TBC1D32: variants seen among roughly 807,000 people sequenced by gnomAD.
TBC1D32 encodes protein broad-minded.
TBC1D32 carries 151 observed loss-of-function variants against 170.3 expected under a neutral mutation model. The observed-to-expected ratio is 0.89, with a 90% CI of 0.78 to 1.01. The LOEUF is 1.01. Ranked by LOEUF, TBC1D32 falls within the 50% of genes least tolerant of loss-of-function variation. The pLI is 0.00. For missense variants in TBC1D32, 1,464 were observed against 1,457.1 expected (o/e 1.00, Z -0.08); for synonymous variants, 498 against 488.0 (o/e 1.02, Z -0.27).
intron 22 of TBC1D32, among the ~76,000 whole-genome samples, chr6:121,185,498 G>C (rs1789079073): frequency 6.6e-6 from 1 of 152,074 alleles, no homozygotes; most frequent in Non-Finnish European, 1.5e-5. Context: ...AAATATCTGT[G>C]AGTTGAACAA....
At chr6:121,113,459 G>A (rs1487515115) in intron 27 of TBC1D32, among the ~76,000 whole-genome samples, 1 of 152,152 alleles carries the variant, frequency 6.6e-6, no homozygotes, top group South Asian at 2.1e-4. Context: ...CTAAAACATG[G>A]AATGTTGACA....
At chr6:121,299,231 A>ATAT (rs1491121645) in intron 10 of TBC1D32, among the ~76,000 whole-genome samples, 1 of 152,092 alleles carries the variant, frequency 6.6e-6, no homozygotes, top group Admixed American at 6.6e-5. Flanking sequence ...TATATAAAAC[A>ATAT]TATTTTCTAA....
chr6:121,097,348 C>T (rs774810373), intron 30 of TBC1D32, among the ~76,000 whole-genome samples: 21 of 151,626 alleles, frequency 1.4e-4, no homozygotes, highest in Non-Finnish European at 2.8e-4. Flanking sequence ...AAAAAATTTA[C>T]AAGAAAAAAC....
intron 22 of TBC1D32, among the ~76,000 whole-genome samples, chr6:121,195,123 A>G (rs1288941270): frequency 1.3e-5 from 2 of 152,136 alleles, no homozygotes; most frequent in African/African-American, 4.8e-5. Context: ...TGGGTGTGTT[A>G]CTCCAGCCCA....
intron 15 of TBC1D32, among the ~76,000 whole-genome samples, chr6:121,276,904 T>C: frequency 6.6e-6 from 1 of 152,114 alleles, no homozygotes; most frequent in East Asian, 1.9e-4. Context: ...ATCAAAATAC[T>C]TAAATGAAAA....
chr6:121,271,154 T>G (rs1209074045), intron 15 of TBC1D32, among the ~76,000 whole-genome samples: 2 of 152,120 alleles, frequency 1.3e-5, no homozygotes, highest in Non-Finnish European at 2.9e-5. Flanking sequence ...ACAGCCAATA[T>G]CATATTGAAT....
chr6:121,235,003 G>A (rs1009271177), intron 20 of TBC1D32, among the ~76,000 whole-genome samples: 4 of 150,704 alleles, frequency 2.7e-5, no homozygotes, highest in Non-Finnish European at 5.9e-5. Flanking sequence ...ATCCAGCAGA[G>A]CTACCGGGCT....
At position 121,126,446 on chromosome 6, in the gene TBC1D32, A is replaced by G. The variant is rs1479179408; in HGVS notation, c.2915T>C (p.Leu972Pro). 1 of 1,611,956 alleles carries G rather than the reference A, an allele frequency of 6.2e-7. No individual in the cohort carries two copies. Among genetic ancestry groups the G allele is most frequent in the Non-Finnish European group, 8.5e-7 (1 of 1,178,742 alleles). The change falls in exon 26 of 32, where the codon CTT (leucine) becomes CCT (proline). Residue 972 changes from leucine to proline, a missense_variant. By Grantham distance (98) the Leu-to-Pro change is moderately conservative. Around this residue, in one of 3 missense-constraint regions of TBC1D32, gnomAD observed 1,363 missense variants for 1,338.1 expected, o/e 1.02. Coordinates refer to ENST00000398212, the MANE Select transcript of TBC1D32 (RefSeq NM_152730.6). ...IISGEALIEL[L>P]EKFVLHLTES... ...AGTGAGATGAAGCACAAATTTTTCAAGTAATTCTATTAAGGCTGTAATAAA... is the reference window on the plus strand; with the variant it reads ...AGTGAGATGAAGCACAAATTTTTCAGGTAATTCTATTAAGGCTGTAATAAA...
At chr6:121,254,346 A>C (rs74403143) in intron 17 of TBC1D32, among the ~76,000 whole-genome samples, 4,990 of 152,256 alleles carry the variant, frequency 0.033, 193 homozygotes, top group East Asian at 0.12. Context: ...TGAAGAATGC[A>C]TCCATGTAAC....
rs1209892391 is a variant in TBC1D32, at chr6:121,321,680, A to G, written c.270T>C (p.Tyr90=). Residue 90 remains tyrosine (Y), a synonymous_variant, in exon 2 of 32, where the codon TAT becomes TAC. Coordinates refer to ENST00000398212, the MANE Select transcript of TBC1D32 (RefSeq NM_152730.6). The stretch of plus-strand genomic sequence containing the variant: ...TAGTGACCTGCTGTACAACTGTATC[A>G]TAGCCGCATTCTTCACCCTGATTCC... ...SDRNQGEECG[Y]DTVVQQVTKR... 1 of 1,614,070 alleles carries G rather than the reference A, an allele frequency of 6.2e-7. No homozygotes were observed. The highest frequency in any genetic ancestry group is 1.1e-5 in the South Asian group (1 of 91,068).
intron 22 of TBC1D32, chr6:121,170,596 T>C (rs548316266): frequency 1.1e-4 from 133 of 1,188,148 alleles, no homozygotes; most frequent in Non-Finnish European, 1.5e-4. Flanking sequence ...ACATCCTTGA[T>C]GTCTCAAAGT....
At chr6:121,260,837 G>A (rs1204260141) in intron 15 of TBC1D32, among the ~76,000 whole-genome samples, 2 of 152,090 alleles carry the variant, frequency 1.3e-5, no homozygotes, top group African/African-American at 4.8e-5. Context: ...CTGGGGGAGA[G>A]GCAGAGCCAA....
intron 20 of TBC1D32, among the ~76,000 whole-genome samples, chr6:121,227,457 A>T (rs562472397): frequency 6.6e-6 from 1 of 152,154 alleles, no homozygotes; most frequent in Non-Finnish European, 1.5e-5. Context: ...ATATGATACA[A>T]ACTGTATGTT....
intron 1 of TBC1D32, among the ~76,000 whole-genome samples, chr6:121,331,519 C>T (rs772606698): frequency 2.6e-5 from 4 of 152,046 alleles, no homozygotes; most frequent in Non-Finnish European, 5.9e-5. Flanking sequence ...CATGCCCAGC[C>T]TCCCCTATAA....
chr6:121,130,074 T>C (rs1481379331), intron 25 of TBC1D32: 13 of 338,350 alleles, frequency 3.8e-5, no homozygotes, highest in South Asian at 1.8e-4. Flanking sequence ...TTTATAATTA[T>C]GAGTAATTAT....
At chr6:121,179,296 T>TTGTG (rs57769629) in intron 22 of TBC1D32, among the ~76,000 whole-genome samples, 1,865 of 147,976 alleles carry the variant, frequency 0.013, 35 homozygotes, top group African/African-American at 0.043. Flanking sequence ...TATGTATAGT[T>TTGTG]TGTGTGTGTG....
chr6:121,293,030 C>A (rs1014039793), intron 11 of TBC1D32, among the ~76,000 whole-genome samples: 1 of 151,964 alleles, frequency 6.6e-6, no homozygotes, highest in African/African-American at 2.4e-5. Context: ...TGCTCAATTT[C>A]TTGAGTACCA....
At chr6:121,306,925 A>C (rs1363767725) in intron 5 of TBC1D32, among the ~76,000 whole-genome samples, 2 of 152,234 alleles carry the variant, frequency 1.3e-5, no homozygotes, top group African/African-American at 4.8e-5. Context: ...AGCAATCTCT[A>C]AGTAAACACT....
chr6:121,209,446 C>A (rs1792767291), intron 21 of TBC1D32, among the ~76,000 whole-genome samples: 1 of 152,122 alleles, frequency 6.6e-6, no homozygotes, highest in South Asian at 2.1e-4. Context: ...TCTTGTATAA[C>A]CAAAACTTCA....
Sources: allele counts gnomAD v4.1 joint callset (sites outside exome capture counted in the v4.1 genomes callset), GRCh38; gene constraint gnomAD v4.1.1; regional missense constraint gnomAD v4.1.1; transcripts MANE v1.5; gene names NCBI Gene and HGNC (gene_info 2026-07-23, HGNC 2026-07-21).